EFCAB5: variants seen among roughly 807,000 people sequenced by gnomAD.
The protein encoded by EFCAB5 is EF-hand calcium-binding domain-containing protein 5.
A neutral mutation model predicts 167.9 loss-of-function variants in EFCAB5; 131 were observed. The observed-to-expected ratio is 0.78, with a 90% CI of 0.68 to 0.90. EFCAB5 has a LOEUF of 0.90. Ranked by LOEUF, EFCAB5 falls within the 40% of genes least tolerant of loss-of-function variation. The pLI is 0.00. For missense variants in EFCAB5, 1,663 were observed against 1,745.2 expected, an observed-to-expected ratio of 0.95 and a Z score of 0.84; for synonymous variants, 574 against 602.8, an observed-to-expected ratio of 0.95 and a Z score of 0.70.
intron 18 of EFCAB5, 87 bp from the exon 19 acceptor site, chr17:30,086,976 A>AT (rs775101269): frequency 6.5e-5 from 75 of 1,152,430 alleles, no homozygotes; most frequent in East Asian, 9.9e-5. Context: ...AAGCTTTCCT[A>AT]TTTTTTTTCT....
chr17:30,069,703 G>C (rs4465650), intron 14 of EFCAB5: 642,877 of 1,181,970 alleles, frequency 0.54, 181,469 homozygotes, highest in African/African-American at 0.85. Context: ...TCATGTACCC[G>C]CCGTAGTCTC....
chr17:29,994,168 A>ATATATATG (rs1567701552), intron 5 of EFCAB5, among the ~76,000 whole-genome samples: 1 of 123,816 alleles, frequency 8.1e-6, no homozygotes, highest in Admixed American at 8.2e-5. Context: ...ATATATATAT[A>ATATATATG]TATATATATG....
intron 9 of EFCAB5, among the ~76,000 whole-genome samples, chr17:30,051,555 A>G (rs2070097608): frequency 6.6e-6 from 1 of 152,178 alleles, no homozygotes; most frequent in East Asian, 1.9e-4. Context: ...TGGTAATTCC[A>G]TTTTATTAAC....
intron 14 of EFCAB5, among the ~76,000 whole-genome samples, chr17:30,067,098 T>G (rs775594403): frequency 6.6e-6 from 1 of 152,230 alleles, no homozygotes; most frequent in African/African-American, 2.4e-5. Context: ...TTATCTGATA[T>G]CAGTTCTTCT....
intron 14 of EFCAB5, chr17:30,068,957 C>T (rs2151814913): frequency 6.6e-7 from 1 of 1,517,168 alleles, no homozygotes; most frequent in East Asian, 2.3e-5. Flanking sequence ...TGTTCAGAAG[C>T]AATTCAACAA....
chr17:30,084,176 A>G (rs1211019936), intron 18 of EFCAB5, among the ~76,000 whole-genome samples: 1 of 151,920 alleles, frequency 6.6e-6, no homozygotes, highest in East Asian at 1.9e-4. Context: ...TCCCTCCCTC[A>G]GTAGCTAGGT....
intron 4 of EFCAB5, among the ~76,000 whole-genome samples, chr17:29,985,712 C>T (rs777176432): frequency 1.8e-4 from 27 of 152,154 alleles, no homozygotes; most frequent in African/African-American, 5.1e-4. Context: ...GGCTTAGGAA[C>T]GCCTTAGGTG....
upstream of EFCAB5, among the ~76,000 whole-genome samples, chr17:29,939,919 C>G (rs568168081): frequency 3.3e-5 from 5 of 152,278 alleles, no homozygotes; most frequent in South Asian, 1.0e-3. Context: ...CTTCAAATTT[C>G]TTACTAGTCT....
chr17:29,993,237 G>A lies in EFCAB5; in HGVS notation c.840G>A (p.Lys280=). ...AAAGCATAGACAAAATCATAGTCAA[G>A]GTGGCCAACACACGGAAACAGGCTC... ...QRESIDKIIV[K]VANTRKQALQ... The change falls in exon 5 of 23, where the codon AAG becomes AAA. Residue 280 remains lysine, a synonymous_variant. Transcript: ENST00000394835. The A allele has an allele frequency of 1.2e-6, 2 of 1,613,720 alleles. No homozygotes were observed. Among genetic ancestry groups the A allele is most frequent in the Non-Finnish European group, 1.7e-6 (2 of 1,179,768 alleles).
At chr17:30,000,746 T>A (rs937261140) in intron 7 of EFCAB5, among the ~76,000 whole-genome samples, 1 of 152,206 alleles carries the variant, frequency 6.6e-6, no homozygotes, top group Non-Finnish European at 1.5e-5. Flanking sequence ...ATTGTATAGA[T>A]AAGAATTTGG....
At chr17:30,092,290 AC>A in intron 21 of EFCAB5, 133 bp downstream of exon 21, 1 of 936,872 alleles carries the variant, frequency 1.1e-6, no homozygotes, top group Non-Finnish European at 1.6e-6. Flanking sequence ...CGTTCACGTA[AC>A]CAGACCTAGA....
intron 5 of EFCAB5, among the ~76,000 whole-genome samples, chr17:29,993,943 A>G (rs1335590015): frequency 6.7e-6 from 1 of 149,980 alleles, no homozygotes; most frequent in African/African-American, 2.5e-5. Flanking sequence ...ATATAGGGAG[A>G]CCCTACTTTT....
intron 4 of EFCAB5, among the ~76,000 whole-genome samples, chr17:29,973,897 C>A (rs1003416171): frequency 6.6e-5 from 10 of 151,876 alleles, no homozygotes; most frequent in African/African-American, 2.4e-4. Context: ...GTGGCTCAAG[C>A]CTGTAATCCC....
intron 7 of EFCAB5, among the ~76,000 whole-genome samples, chr17:30,013,384 C>T (rs556235485): frequency 1.3e-5 from 2 of 152,230 alleles, no homozygotes; most frequent in South Asian, 2.1e-4. Flanking sequence ...ATGGTACCAG[C>T]TCCTCTTTGT....
chr17:30,102,755 A>T (rs921597680), intron 22 of EFCAB5, among the ~76,000 whole-genome samples: 1 of 152,184 alleles, frequency 6.6e-6, no homozygotes, highest in African/African-American at 2.4e-5. Flanking sequence ...AAAAATATCA[A>T]AGATGATTCT....
chr17:29,979,104 C>A (rs1466217539), intron 4 of EFCAB5, among the ~76,000 whole-genome samples: 1 of 152,110 alleles, frequency 6.6e-6, no homozygotes, highest in Non-Finnish European at 1.5e-5. Flanking sequence ...GTAATCTCAG[C>A]ACTTTGGGAG....
chr17:30,054,744 T>C (rs1344142758), intron 10 of EFCAB5, among the ~76,000 whole-genome samples: 1 of 152,200 alleles, frequency 6.6e-6, no homozygotes, highest in Admixed American at 6.5e-5. Flanking sequence ...AATAAACAAT[T>C]CATACATTTT....
At chr17:29,978,653 TCTC>T (rs1233910892) in intron 4 of EFCAB5, among the ~76,000 whole-genome samples, 2 of 152,158 alleles carry the variant, frequency 1.3e-5, no homozygotes, top group Non-Finnish European at 2.9e-5. Flanking sequence ...TGAGTCAACT[TCTC>T]TCCAGCTAGG....
chr17:30,065,988 T>C (rs2070558628), intron 14 of EFCAB5, among the ~76,000 whole-genome samples: 1 of 152,240 alleles, frequency 6.6e-6, no homozygotes, highest in Non-Finnish European at 1.5e-5. Flanking sequence ...AGATAGACTC[T>C]AATACAATAG....
Sources: gnomAD v4.1 joint callset for allele counts (sites outside exome capture counted in the v4.1 genomes callset) on GRCh38, gnomAD v4.1.1 for gene constraint, MANE v1.5 for transcripts, NCBI Gene and HGNC (gene_info 2026-07-23, HGNC 2026-07-21) for gene names.